CDH18: variants seen among roughly 807,000 people sequenced by gnomAD.
CDH18 encodes the protein cadherin-18.
In CDH18, 31 loss-of-function variants were observed where a neutral mutation model predicts 67.9. The observed-to-expected ratio is 0.46, with a 90% CI of 0.34 to 0.62. The LOEUF (loss-of-function observed/expected upper bound fraction) is 0.62. Among genes scored for constraint, CDH18 ranks in the 20% least tolerant of loss-of-function variants. The pLI is 0.01. For synonymous variants in CDH18, 362 were observed against 347.2 expected, an observed-to-expected ratio of 1.04 and a Z score of -0.48; for missense variants, 890 against 975.5, an observed-to-expected ratio of 0.91 and a Z score of 1.17.
At chr5:19,692,238 G>A (rs1357091560) in intron 5 of CDH18, among the ~76,000 whole-genome samples, 24 of 152,046 alleles carry the variant, frequency 1.6e-4, no homozygotes, top group Admixed American at 1.6e-3. Flanking sequence ...AACTCAAAAT[G>A]TACTAAAGAC....
chr5:19,736,780 T>C (rs1017626352), intron 4 of CDH18, among the ~76,000 whole-genome samples: 26 of 152,192 alleles, frequency 1.7e-4, no homozygotes, highest in African/African-American at 6.3e-4. Flanking sequence ...ACTTCCACAA[T>C]ATTCCATGGT....
chr5:20,393,885 A>G (rs1447918185), intron 1 of CDH18, among the ~76,000 whole-genome samples: 1 of 152,056 alleles, frequency 6.6e-6, no homozygotes, highest in East Asian at 1.9e-4. Flanking sequence ...ACTATGAAAC[A>G]CTGCTGAAAG....
chr5:19,948,084 A>C (rs1795443138), intron 2 of CDH18, among the ~76,000 whole-genome samples: 1 of 152,212 alleles, frequency 6.6e-6, no homozygotes. Context: ...ATGCAGTATC[A>C]CAAACACCAT....
chr5:20,194,783 G>A (rs1342722330), intron 2 of CDH18, among the ~76,000 whole-genome samples: 1 of 151,828 alleles, frequency 6.6e-6, no homozygotes, highest in East Asian at 1.9e-4. Context: ...GCTAAGGAGG[G>A]ATTTTCTTCC....
At chr5:20,187,939 A>G (rs1457162134) in intron 2 of CDH18, among the ~76,000 whole-genome samples, 2 of 151,836 alleles carry the variant, frequency 1.3e-5, no homozygotes, top group African/African-American at 4.8e-5. Flanking sequence ...ATTAGAATAC[A>G]GAATTTCTAT....
intron 1 of CDH18, among the ~76,000 whole-genome samples, chr5:20,342,498 AC>A (rs556215927): frequency 3.1e-4 from 47 of 152,212 alleles, no homozygotes; most frequent in African/African-American, 1.0e-3. Context: ...TTGCTTCTAC[AC>A]CCATAACTAA....
chr5:19,855,020 A>G lies in CDH18; in HGVS notation c.-256-15778T>C, dbSNP rs368666147. 9.2e-5 allele frequency among the ~76,000 whole-genome samples: 14 copies of G among 151,996 alleles called. No homozygotes were observed. The East Asian group carries it at 1.9e-3, about 21-fold the overall frequency. On this transcript the variant is annotated intron_variant, in intron 2 of 12. Transcript: ENST00000382275. ...TCTATGCCTGGCTATTACAACTAACATAATGTCCTCCAGGTCCTCCAGTCC... is the reference window on the plus strand; with the variant it reads ...TCTATGCCTGGCTATTACAACTAACGTAATGTCCTCCAGGTCCTCCAGTCC...
chr5:20,289,089 C>A (rs968031125), intron 1 of CDH18, among the ~76,000 whole-genome samples: 1 of 151,754 alleles, frequency 6.6e-6, no homozygotes, highest in East Asian at 1.9e-4. Context: ...ATTATTGTCC[C>A]AATTAATTAA....
intron 11 of CDH18, among the ~76,000 whole-genome samples, 188 bp from the exon 12 acceptor site, chr5:19,483,740 G>T (rs749954400): frequency 1.3e-5 from 2 of 152,102 alleles, no homozygotes; most frequent in Non-Finnish European, 2.9e-5. Context: ...AACCTATTTA[G>T]AAAAATTAAT....
At chr5:20,293,254 T>C (rs951167348) in intron 1 of CDH18, among the ~76,000 whole-genome samples, 8 of 152,036 alleles carry the variant, frequency 5.3e-5, no homozygotes, top group Non-Finnish European at 1.0e-4. Context: ...GAGGCGGAGT[T>C]TGCAGTGAGC....
At chr5:20,575,026 T>C (rs554767667) in intron 1 of CDH18, among the ~76,000 whole-genome samples, 1 of 152,068 alleles carries the variant, frequency 6.6e-6, no homozygotes, top group South Asian at 2.1e-4. Flanking sequence ...TATGATAGCA[T>C]CTACGTCTGC....
chr5:19,713,796 T>A (rs527814359), intron 5 of CDH18, among the ~76,000 whole-genome samples: 1 of 152,240 alleles, frequency 6.6e-6, no homozygotes, highest in South Asian at 2.1e-4. Context: ...TAAATCAGTG[T>A]GAAAAATGTC....
At chr5:20,013,426 C>T (rs557763177) in intron 2 of CDH18, among the ~76,000 whole-genome samples, 8 of 151,934 alleles carry the variant, frequency 5.3e-5, no homozygotes, top group Non-Finnish European at 1.2e-4. Context: ...CGTTGTAGCT[C>T]AAAAATAGGG....
chr5:19,787,758 T>C (rs1775960388), intron 3 of CDH18, among the ~76,000 whole-genome samples: 1 of 150,430 alleles, frequency 6.6e-6, no homozygotes, highest in South Asian at 2.1e-4. Context: ...AAAAAAATAA[T>C]GGATGTAAGA....
intron 1 of CDH18, among the ~76,000 whole-genome samples, chr5:20,545,842 T>C (rs1757311879): frequency 6.6e-6 from 1 of 152,184 alleles, no homozygotes; most frequent in African/African-American, 2.4e-5. Context: ...CCACAGAAAA[T>C]GGGTTTTTCC....
intron 1 of CDH18, among the ~76,000 whole-genome samples, chr5:20,398,842 T>C (rs1240534884): frequency 6.4e-5 from 9 of 139,768 alleles, no homozygotes; most frequent in African/African-American, 1.6e-4. Flanking sequence ...CACGTATACC[T>C]ACGTAGAAAA....
intron 1 of CDH18, among the ~76,000 whole-genome samples, chr5:20,336,909 T>G (rs1392369835): frequency 6.6e-6 from 1 of 152,072 alleles, no homozygotes; most frequent in Non-Finnish European, 1.5e-5. Context: ...CCCCATGGGT[T>G]TTGCTCAGGC....
chr5:20,428,199 A>T (rs1014516265), intron 1 of CDH18, among the ~76,000 whole-genome samples: 6 of 150,626 alleles, frequency 4.0e-5, no homozygotes, highest in African/African-American at 1.5e-4. Flanking sequence ...TGTGCTGTTT[A>T]GTTTTCTGTT....
intron 1 of CDH18, among the ~76,000 whole-genome samples, chr5:20,329,436 A>G (rs1738942405): frequency 1.3e-5 from 2 of 152,268 alleles, no homozygotes; most frequent in South Asian, 2.1e-4. Flanking sequence ...ATTCCACAAA[A>G]TAACCTATGG....
Sources: gnomAD v4.1 joint callset for allele counts (sites outside exome capture counted in the v4.1 genomes callset) on GRCh38, gnomAD v4.1.1 for gene constraint, MANE v1.5 for transcripts, NCBI Gene and HGNC (gene_info 2026-07-23, HGNC 2026-07-21) for gene names.